CREB3L2: variants seen among roughly 807,000 people sequenced by gnomAD.
CREB3L2 encodes the protein cyclic AMP-responsive element-binding protein 3-like protein 2.
CREB3L2 carries 23 observed loss-of-function variants against 57.2 expected under a neutral mutation model. That is an observed-to-expected ratio of 0.40 (90% CI 0.29 to 0.57). The LOEUF (loss-of-function observed/expected upper bound fraction) is 0.57. Ranked by LOEUF, CREB3L2 falls within the 20% of genes least tolerant of loss-of-function variation. The pLI, the probability that CREB3L2 is intolerant of heterozygous loss-of-function variation, is 0.42. For missense variants in CREB3L2, 628 were observed against 634.7 expected (o/e 0.99, Z 0.11); for synonymous variants, 268 against 265.1 (o/e 1.01, Z -0.11).
intron 1 of CREB3L2, among the ~76,000 whole-genome samples, chr7:137,968,024 T>C (rs146758146): frequency 6.6e-6 from 1 of 152,178 alleles, no homozygotes; most frequent in East Asian, 1.9e-4. Context: ...ACTTAGGGAG[T>C]TAAATAACCT....
intron 1 of CREB3L2, among the ~76,000 whole-genome samples, chr7:137,932,283 T>C (rs991942710): frequency 3.9e-4 from 60 of 152,176 alleles, no homozygotes; most frequent in African/African-American, 1.4e-3. Flanking sequence ...GTATGTAACA[T>C]TGTAAAAAAA....
chr7:137,969,408 A>G (rs1801464768), intron 1 of CREB3L2, among the ~76,000 whole-genome samples: 1 of 138,994 alleles, frequency 7.2e-6, no homozygotes, highest in African/African-American at 2.7e-5. Context: ...GTGCAATGGC[A>G]CGAACTCGGC....
intron 1 of CREB3L2, among the ~76,000 whole-genome samples, chr7:137,991,608 C>T (rs1359030078): frequency 2.0e-5 from 3 of 152,012 alleles, no homozygotes; most frequent in Non-Finnish European, 4.4e-5. Context: ...GTGATGAGTT[C>T]ATAGATCAAA....
chr7:137,882,374 T>G lies in CREB3L2; in HGVS notation c.1487+38A>C, dbSNP rs758830032. On this transcript the variant is annotated intron_variant, in intron 11 of 11. Transcript: ENST00000330387. ...TTGCTGACTCATAACCCACCATCAGTGCACTAGAGGAGTTGGCTCTGTGTC... is the reference window on the plus strand; with the variant it reads ...TTGCTGACTCATAACCCACCATCAGGGCACTAGAGGAGTTGGCTCTGTGTC... 5.3e-6 allele frequency: 8 copies of G among 1,501,628 alleles called. No individual in the cohort carries two copies. In the South Asian group the frequency reaches 8.2e-5, roughly 15 times the overall value. 93.0% of individuals were successfully genotyped at this position (1,501,628 alleles called of 1,614,324 possible).
intron 2 of CREB3L2, among the ~76,000 whole-genome samples, chr7:137,919,863 T>C (rs1800232609): frequency 6.6e-6 from 1 of 152,180 alleles, no homozygotes; most frequent in South Asian, 2.1e-4. Context: ...AAAAGAAATA[T>C]GCCAAATAGT....
intron 1 of CREB3L2, among the ~76,000 whole-genome samples, chr7:137,947,289 C>T (rs1801015288): frequency 6.6e-6 from 1 of 151,950 alleles, no homozygotes; most frequent in Non-Finnish European, 1.5e-5. Context: ...GGCAGCCACA[C>T]CCGCTCAACA....
chr7:137,874,991 A>G lies in CREB3L2; in HGVS notation c.*5485T>C, dbSNP rs1799113588. 5.5e-6 allele frequency: 1 copy of G among 181,208 alleles called. No homozygotes were observed. The highest frequency in any genetic ancestry group is 2.4e-5 in the African/African-American group (1 of 42,420). 11.2% of individuals were successfully genotyped at this position (181,208 alleles called of 1,614,324 possible). A position where few individuals can be genotyped will look rare whatever the true frequency, so the allele number is the denominator to read the frequency against. ...ACTGGGCAACATCTTACTATTTAAG[A>G]AAAAATATTTATTTGCAAGAAATGG... On this transcript the variant is annotated 3_prime_UTR_variant, in exon 12 of 12. Coordinates refer to ENST00000330387, the MANE Select transcript of CREB3L2 (RefSeq NM_194071.4).
chr7:137,971,021 A>G (rs1395372711), intron 1 of CREB3L2, among the ~76,000 whole-genome samples: 3 of 152,240 alleles, frequency 2.0e-5, no homozygotes, highest in Non-Finnish European at 4.4e-5. Flanking sequence ...TGCTTCCAAC[A>G]TCAGCATGAA....
At chr7:137,958,245 A>T (rs1801255578) in intron 1 of CREB3L2, among the ~76,000 whole-genome samples, 1 of 152,240 alleles carries the variant, frequency 6.6e-6, no homozygotes. Context: ...CACAAGTTAG[A>T]ACTCAGGTAA....
Position 137,901,385 on chromosome 7 carries a change from T to C in CREB3L2, c.1012A>G (p.Lys338Glu). ...SCSTENLELR[K>E]KVEVLENTNR... ...GTGTTCTCTAGAACCTCTACCTTCT[T>C]CCGAAGCTCCAAGTTCTCAGTTGAA... The change falls in exon 8 of 12, where the codon AAG becomes GAG. Residue 338 changes from lysine (K) to glutamate (E), a missense_variant. Lys to Glu is a moderately conservative substitution (Grantham distance 56). Transcript: ENST00000330387. The C allele has an allele frequency of 6.2e-7, 1 of 1,608,868 alleles. No individual in the cohort carries two copies.
At chr7:137,888,051 C>T (rs375391060) in intron 8 of CREB3L2, among the ~76,000 whole-genome samples, 101 of 152,320 alleles carry the variant, frequency 6.6e-4, no homozygotes, top group African/African-American at 2.1e-3. Context: ...CTCCTGAACT[C>T]GAGCAATCCT....
chr7:137,979,788 A>G (rs971487740), intron 1 of CREB3L2, among the ~76,000 whole-genome samples: 1 of 152,174 alleles, frequency 6.6e-6, no homozygotes, highest in Non-Finnish European at 1.5e-5. Context: ...TGGCTCTTTC[A>G]ATCTCTGGCC....
intron 1 of CREB3L2, among the ~76,000 whole-genome samples, chr7:137,961,056 T>C (rs559825161): frequency 1.3e-5 from 2 of 151,992 alleles, no homozygotes; most frequent in South Asian, 4.2e-4. Flanking sequence ...CCAGCCACCT[T>C]GGCCTCCCAA....
At chr7:137,886,210 AAAG>A (rs530596767) in intron 8 of CREB3L2, among the ~76,000 whole-genome samples, 10 of 152,368 alleles carry the variant, frequency 6.6e-5, no homozygotes, top group Admixed American at 3.3e-4. Flanking sequence ...ATGTCGATTA[AAAG>A]AAGAACTCAT....
At chr7:137,972,694 A>AC (rs761789930) in intron 1 of CREB3L2, among the ~76,000 whole-genome samples, 3,285 of 45,818 alleles carry the variant, frequency 0.072, 405 homozygotes, top group Admixed American at 0.28. Context: ...CAAAAAAAAA[A>AC]AAAAAAAAAA....
chr7:137,948,501 T>G (rs1801041069), intron 1 of CREB3L2, among the ~76,000 whole-genome samples: 1 of 152,198 alleles, frequency 6.6e-6, no homozygotes, highest in Non-Finnish European at 1.5e-5. Context: ...GTGTCTCAGT[T>G]CCATGTCCCT....
At chr7:137,890,335 G>T (rs1295277751) in intron 8 of CREB3L2, among the ~76,000 whole-genome samples, 1 of 152,350 alleles carries the variant, frequency 6.6e-6, no homozygotes, top group Non-Finnish European at 1.5e-5. Flanking sequence ...GGTTCAGGAA[G>T]TCAAGCCTGG....
chr7:137,897,491 T>C (rs912033935), intron 8 of CREB3L2, among the ~76,000 whole-genome samples: 3 of 152,144 alleles, frequency 2.0e-5, no homozygotes, highest in Non-Finnish European at 4.4e-5. Flanking sequence ...TGCCTCAGCC[T>C]CTCGAGTAGC....
In CREB3L2 at chr7:138,001,025, TAC is replaced by T. The variant is rs750238176; in HGVS notation, c.102+577_102+578del. ...AGGGAGGAAGGAGACTTCTTGGTCG[TAC>T]AGTTTAAGAAAGCAAATAAAGCCGC... On this transcript the variant is annotated intron_variant, in intron 1 of 11. Coordinates refer to ENST00000330387, the MANE Select transcript of CREB3L2 (RefSeq NM_194071.4). The surrounding 1 kb of genome is among the most constrained non-coding windows in gnomAD (Gnocchi z 4.2). Among the ~76,000 whole-genome samples the T allele has an allele frequency of 6.6e-6, 1 of 150,688 alleles. No individual in the cohort carries two copies. The highest frequency in any genetic ancestry group is 1.5e-5 in the Non-Finnish European group (1 of 67,876).
Sources: allele counts gnomAD v4.1 joint callset (sites outside exome capture counted in the v4.1 genomes callset), GRCh38; gene constraint gnomAD v4.1.1; non-coding constraint Gnocchi (gnomAD v3.1); transcripts MANE v1.5; gene names NCBI Gene and HGNC (gene_info 2026-07-23, HGNC 2026-07-21).